The following VPS13A variants were observed in gnomAD, a reference collection of about 807,000 sequenced individuals.
VPS13A encodes the protein vacuolar protein sorting 13 homolog A, also known as intermembrane lipid transfer protein VPS13A.
Under a neutral mutation model 390.9 loss-of-function variants are expected in VPS13A, and 264 were observed. The ratio of observed to expected loss-of-function variants is 0.68; its 90% CI spans 0.61 to 0.75. The LOEUF is 0.75. Among genes scored for constraint, VPS13A ranks in the 30% least tolerant of loss-of-function variants. VPS13A has a pLI of 0.00. For synonymous variants in VPS13A, 1,231 were observed against 1,227.1 expected, an observed-to-expected ratio of 1.00 and a Z score of -0.07; for missense variants, 3,409 against 3,733.9, an observed-to-expected ratio of 0.91 and a Z score of 2.27.
Position 77,384,174 on chromosome 9 carries a change from T to TA in VPS13A, c.9189+2093dup, listed in dbSNP as rs550331617. Among the ~76,000 whole-genome samples the TA allele has an allele frequency of 2.9e-3, 448 of 151,876 alleles. 3 individuals are homozygous for TA. The highest frequency in any genetic ancestry group is 5.4e-3 in the Non-Finnish European group (364 of 67,720). ...TTTCTCATGTTATTTTCTTATTTTC[T>TA]AAAAAAGATGTATTCACTAAATTAT... is the stretch of plus-strand genomic sequence containing the variant. On this transcript the variant is annotated intron_variant, in intron 68 of 71. Transcript: ENST00000360280.
chr9:77,197,861 T>C (rs947671823), intron 1 of VPS13A, among the ~76,000 whole-genome samples: 1 of 152,224 alleles, frequency 6.6e-6, no homozygotes, highest in Non-Finnish European at 1.5e-5. Flanking sequence ...GGACAATCTG[T>C]GGTTGTTTGG....
rs567731211 is a variant in VPS13A at position 77,371,536 on chromosome 9, C to A, written c.9077+387C>A. 2.0e-5 allele frequency among the ~76,000 whole-genome samples: 3 copies of A among 152,242 alleles called. No individual in the cohort carries two copies. In the East Asian group the frequency reaches 5.8e-4, roughly 29 times the overall value. ...GGCCTAATTACCTCTAATTAGGCCC[C>A]ACCTCCTGGCTGGGGATAAAGTTTC... On this transcript the variant is annotated intron_variant, in intron 67 of 71. Coordinates refer to ENST00000360280, the MANE Select transcript of VPS13A (RefSeq NM_033305.3).
At chr9:77,279,953 T>A (rs1262180756) in intron 26 of VPS13A, 4 of 423,518 alleles carry the variant, frequency 9.4e-6, no homozygotes, top group Non-Finnish European at 1.7e-5. Flanking sequence ...TTGTGGCACA[T>A]GAGGAGGTAA....
intron 53 of VPS13A, among the ~76,000 whole-genome samples, chr9:77,351,996 A>C (rs1025130761): frequency 1.3e-5 from 2 of 152,234 alleles, no homozygotes; most frequent in Non-Finnish European, 2.9e-5. Flanking sequence ...ACTTAACCAA[A>C]AATGTTTAAA....
Position 77,337,307 on chromosome 9 carries a change from AT to A in VPS13A, c.6150del (p.Ile2050MetfsTer7). 2 of 1,613,192 alleles carry A rather than the reference AT, an allele frequency of 1.2e-6. No homozygotes were observed. Among genetic ancestry groups the A allele is most frequent in the Non-Finnish European group, 1.7e-6 (2 of 1,179,662 alleles). Reference protein sequence around the residue: ...EDENYQMCEGIDFEEIIKNDG... With the variant: ...EDENYQMCEGXDFEEIIKNDG... ...TGAGAACTATCAAATGTGTGAAGGA[AT>A]TGACTTTGAAGAGATTATAAAAAAT... is the stretch of plus-strand genomic sequence containing the variant. On this transcript the variant is annotated frameshift_variant, in exon 47 of 72. Coordinates refer to ENST00000360280, the MANE Select transcript of VPS13A (RefSeq NM_033305.3). LOFTEE classifies it high-confidence loss of function.
intron 71 of VPS13A, among the ~76,000 whole-genome samples, chr9:77,410,770 A>G (rs567587053): frequency 6.6e-6 from 1 of 152,296 alleles, no homozygotes; most frequent in African/African-American, 2.4e-5. Flanking sequence ...TGCACCCAAT[A>G]CAGGAGCACC....
At chr9:77,205,925 A>T in intron 4 of VPS13A, 53 bp from the exon 5 acceptor site, 3 of 1,229,766 alleles carry the variant, frequency 2.4e-6, no homozygotes, top group Non-Finnish European at 3.5e-6. Flanking sequence ...TTTTGGAATG[A>T]CTATATTTAA....
chr9:77,272,004 G>C lies in VPS13A; in HGVS notation c.2428-1276G>C, dbSNP rs1486057541. Among the ~76,000 whole-genome samples the C allele has an allele frequency of 2.0e-5, 3 of 152,122 alleles. No individual in the cohort carries two copies. The East Asian group carries it at 5.8e-4, about 29-fold the overall frequency. The stretch of plus-strand genomic sequence containing the variant: ...TGTGTTTACTTTCTGAAAATGTATT[G>C]AACTTTAGAGTTTATGTACTTCGTG... On this transcript the variant is annotated intron_variant, in intron 23 of 71. Transcript: ENST00000360280.
Position 77,181,559 on chromosome 9 carries a change from A to G in VPS13A, c.100+3755A>G, listed in dbSNP as rs534314795. ...AAAGAAACTGGATGCTGCATAGGAA[A>G]ATTTTAAGATAATATTTTATGGTCT... On this transcript the variant is annotated intron_variant, in intron 1 of 71. Coordinates refer to ENST00000360280, the MANE Select transcript of VPS13A (RefSeq NM_033305.3). Among the ~76,000 whole-genome samples, 18 of 152,020 alleles carry G rather than the reference A, an allele frequency of 1.2e-4. No homozygotes were observed. The South Asian group carries it at 1.2e-3, about 11-fold the overall frequency.
Position 77,221,205 on chromosome 9 carries a change from G to A in VPS13A, c.1010G>A (p.Gly337Asp). Residue 337 changes from glycine to aspartate, a missense_variant, in exon 13 of 72, where the codon GGC becomes GAC. Physicochemically the swap from Gly to Asp is moderately conservative, Grantham distance 94 (BLOSUM62 -1). Coordinates refer to ENST00000360280, the MANE Select transcript of VPS13A (RefSeq NM_033305.3). ...AREWWAYAIH[G>D]VLEVNVCPRL... ...ACTAGGTGGGCTTATGCTATACATG[G>A]CGTTCTTGAAGTAAATGTTTGCCCC... The A allele has an allele frequency of 6.2e-7, 1 of 1,613,312 alleles. No individual in the cohort carries two copies. Among genetic ancestry groups the A allele is most frequent in the South Asian group, 1.1e-5 (1 of 91,064 alleles).
In VPS13A at chr9:77,275,987, T is replaced by C; in HGVS notation, c.2668-78T>C. The stretch of plus-strand genomic sequence containing the variant: ...ATATCAATTGTATGTATACCTCATA[T>C]ATTCACATGTAACCACTATGCACAT... On this transcript the variant is annotated intron_variant, in intron 25 of 71. Coordinates refer to ENST00000360280, the MANE Select transcript of VPS13A (RefSeq NM_033305.3). The C allele has an allele frequency of 2.1e-6, 3 of 1,449,422 alleles. No homozygotes were observed. In the South Asian group the frequency reaches 3.5e-5, roughly 17 times the overall value. 89.8% of individuals were successfully genotyped at this position (1,449,422 alleles called of 1,614,324 possible). A position where few individuals can be genotyped will look rare whatever the true frequency, so the allele number is the denominator to read the frequency against.
chr9:77,401,031 A>T (rs1383014389), intron 68 of VPS13A, among the ~76,000 whole-genome samples: 1 of 152,092 alleles, frequency 6.6e-6, no homozygotes, highest in African/African-American at 2.4e-5. Context: ...TTCATTTAAT[A>T]AATTTCCGTA....
At chr9:77,270,471 A>G (rs565222872) in intron 23 of VPS13A, among the ~76,000 whole-genome samples, 12 of 152,314 alleles carry the variant, frequency 7.9e-5, no homozygotes, top group Admixed American at 7.2e-4. Context: ...TGGTCAAATC[A>G]CTTGAGGCCA....
At chr9:77,222,774 CA>C (rs1018330926) in intron 13 of VPS13A, among the ~76,000 whole-genome samples, 5 of 152,148 alleles carry the variant, frequency 3.3e-5, no homozygotes, top group African/African-American at 1.2e-4. Context: ...CCATATAAGA[CA>C]GCTGTTAAAT....
chr9:77,412,846 A>G (rs1392416000), intron 71 of VPS13A, among the ~76,000 whole-genome samples: 2 of 152,196 alleles, frequency 1.3e-5, no homozygotes, highest in Admixed American at 1.3e-4. Flanking sequence ...ATATCTAGAA[A>G]ACCCCATCGT....
At chr9:77,282,863 C>T (rs1237120138) in intron 29 of VPS13A, among the ~76,000 whole-genome samples, 1 of 151,876 alleles carries the variant, frequency 6.6e-6, no homozygotes, top group Non-Finnish European at 1.5e-5. Context: ...ACATTAGAAT[C>T]ACTGGAGCCC....
In VPS13A at chr9:77,290,626, C is replaced by T. The variant is rs556557230; in HGVS notation, c.3340-2715C>T. 3.2e-4 allele frequency among the ~76,000 whole-genome samples: 49 copies of T among 151,880 alleles called. 1 individual carries two copies. The East Asian group carries it at 9.1e-3, about 28-fold the overall frequency. ...TTTGGATGTTCTGTTCAAGTTTTTT[C>T]CCCATTGTTTTCTTAGTGCCTTTTA... is the stretch of plus-strand genomic sequence containing the variant. On this transcript the variant is annotated intron_variant, in intron 31 of 71. Transcript: ENST00000360280.
At chr9:77,383,464 C>A (rs920023082) in intron 68 of VPS13A, among the ~76,000 whole-genome samples, 2 of 151,984 alleles carry the variant, frequency 1.3e-5, no homozygotes, top group African/African-American at 4.8e-5. Context: ...CTACCCAATA[C>A]CTGCCTTCCC....
chr9:77,341,332 T>C (rs1830795298), intron 50 of VPS13A, among the ~76,000 whole-genome samples: 1 of 151,926 alleles, frequency 6.6e-6, no homozygotes, highest in African/African-American at 2.4e-5. Context: ...AATCTTGCAA[T>C]TGCAAAAAAG....
Sources: allele counts gnomAD v4.1 joint callset (sites outside exome capture counted in the v4.1 genomes callset), GRCh38; gene constraint gnomAD v4.1.1; transcripts MANE v1.5; gene names NCBI Gene and HGNC (gene_info 2026-07-23, HGNC 2026-07-21).